Variants in KIF2A observed in about 807,000 individuals in gnomAD.
The protein encoded by KIF2A is kinesin-like protein KIF2A.
Under a neutral mutation model 100.2 loss-of-function variants are expected in KIF2A, and 22 were observed. That is an observed-to-expected ratio of 0.22 (90% CI 0.16 to 0.31). The LOEUF (loss-of-function observed/expected upper bound fraction) is 0.31, where lower values mean the gene tolerates loss of function less well. KIF2A is among the 10% of genes least tolerant of loss of function. KIF2A has a pLI of 1.00. For synonymous variants in KIF2A, 268 were observed against 285.9 expected (o/e 0.94, Z 0.63); for missense variants, 495 against 898.7 (o/e 0.55, Z 5.74).
At chr5:62,325,473 T>C (rs1166302811) in intron 1 of KIF2A, among the ~76,000 whole-genome samples, 1 of 133,402 alleles carries the variant, frequency 7.5e-6, no homozygotes, top group East Asian at 2.1e-4. Flanking sequence ...AAAAAAAAAA[T>C]GGGTAAAGGA....
At chr5:62,328,280 T>C (rs1746474132) in intron 1 of KIF2A, among the ~76,000 whole-genome samples, 2 of 151,998 alleles carry the variant, frequency 1.3e-5, no homozygotes, top group African/African-American at 2.4e-5. Context: ...AGTTAACTTA[T>C]TTAGTAAACT....
intron 1 of KIF2A, among the ~76,000 whole-genome samples, chr5:62,330,813 A>C (rs775728522): frequency 3.3e-5 from 5 of 152,130 alleles, no homozygotes; most frequent in Non-Finnish European, 5.9e-5. Flanking sequence ...TATATATTTT[A>C]ATTTATTGGC....
intron 1 of KIF2A, among the ~76,000 whole-genome samples, chr5:62,338,572 G>T (rs764623719): frequency 2.4e-4 from 37 of 152,126 alleles, no homozygotes; most frequent in Non-Finnish European, 5.9e-5. Context: ...TTACAGGCCT[G>T]AGCCACCACA....
chr5:62,316,784 A>G (rs1164174671), intron 1 of KIF2A, among the ~76,000 whole-genome samples: 2 of 152,096 alleles, frequency 1.3e-5, no homozygotes, highest in African/African-American at 4.8e-5. Flanking sequence ...CTTCCACTCA[A>G]TTTTGCTGTG....
chr5:62,334,368 T>C lies in KIF2A; in HGVS notation c.65-12762T>C, dbSNP rs1746819751. Among the ~76,000 whole-genome samples, 5 of 151,930 alleles carry C rather than the reference T, an allele frequency of 3.3e-5. No homozygotes were observed. The South Asian group carries it at 1.0e-3, about 32-fold the overall frequency. ...CCCTAAGCAATCCCGATCTCCAGACTTCCCTGAGCAGTCCTCAGCTCCATC... is the reference window on the plus strand; with the variant it reads ...CCCTAAGCAATCCCGATCTCCAGACCTCCCTGAGCAGTCCTCAGCTCCATC... On this transcript the variant is annotated intron_variant, in intron 1 of 20. Transcript: ENST00000407818.
intron 3 of KIF2A, among the ~76,000 whole-genome samples, chr5:62,349,314 T>C (rs1303931702): frequency 6.6e-6 from 1 of 151,434 alleles, no homozygotes; most frequent in Non-Finnish European, 1.5e-5. Flanking sequence ...ATTAAAAATA[T>C]TTTTAAAGTA....
intron 1 of KIF2A, among the ~76,000 whole-genome samples, chr5:62,338,582 A>G (rs1747103732): frequency 6.6e-6 from 1 of 152,102 alleles, no homozygotes. Flanking sequence ...GAGCCACCAC[A>G]TCTGGCTTAT....
chr5:62,354,335 G>A (rs1747995078), intron 6 of KIF2A, among the ~76,000 whole-genome samples: 1 of 152,070 alleles, frequency 6.6e-6, no homozygotes, highest in African/African-American at 2.4e-5. Flanking sequence ...AGTTGACATA[G>A]GTGGTATTAT....
chr5:62,358,028 G>A (rs1748204282), intron 8 of KIF2A, 109 bp from the exon 9 acceptor site: 1 of 820,284 alleles, frequency 1.2e-6, no homozygotes. Flanking sequence ...ATCTTTATAT[G>A]TACAGAACTT....
chr5:62,358,053 A>G (rs1047708507), intron 8 of KIF2A, 84 bp from the exon 9 acceptor site: 4 of 1,008,514 alleles, frequency 4.0e-6, no homozygotes, highest in Non-Finnish European at 4.2e-6. Flanking sequence ...CTTGTATCTT[A>G]GTTCTTACTA....
At chr5:62,309,554 C>T (rs1745463223) in intron 1 of KIF2A, among the ~76,000 whole-genome samples, 2 of 152,222 alleles carry the variant, frequency 1.3e-5, no homozygotes, top group Middle Eastern at 3.4e-3. Flanking sequence ...TCCATAACGT[C>T]TATATTGGAT....
intron 1 of KIF2A, among the ~76,000 whole-genome samples, chr5:62,314,461 C>G (rs985946267): frequency 6.6e-6 from 1 of 152,068 alleles, no homozygotes; most frequent in African/African-American, 2.4e-5. Flanking sequence ...AAGTCACTGT[C>G]TCAAAACAAA....
intron 3 of KIF2A, 54 bp from the exon 4 acceptor site, chr5:62,350,012 T>C: frequency 8.7e-7 from 1 of 1,144,526 alleles, no homozygotes; most frequent in South Asian, 1.4e-5. Flanking sequence ...CAGATCATGA[T>C]ACATATGAGG....
intron 7 of KIF2A, among the ~76,000 whole-genome samples, chr5:62,356,890 A>G (rs201766723): frequency 6.6e-6 from 1 of 151,716 alleles, no homozygotes; most frequent in Non-Finnish European, 1.5e-5. Context: ...GGTTCAGGCA[A>G]TTCTCGTGCC....
chr5:62,306,591 C>A (rs1049880729), intron 1 of KIF2A, 55 bp downstream of exon 1: 5 of 1,422,072 alleles, frequency 3.5e-6, no homozygotes, highest in Non-Finnish European at 4.8e-6. Flanking sequence ...CGGGTGTGCA[C>A]GGAGGGGACG....
rs1745266602 is a variant in KIF2A at position 62,306,370 on chromosome 5, G to C, written c.-103G>C. ...CGCTGTCGCCCGGGCCGGCGCGGCCGCGGGCAACCGCTCCCCCTCCCACAC... is the reference window on the plus strand; with the variant it reads ...CGCTGTCGCCCGGGCCGGCGCGGCCCCGGGCAACCGCTCCCCCTCCCACAC... On this transcript the variant is annotated 5_prime_UTR_variant, in exon 1 of 21. Coordinates refer to ENST00000407818, the MANE Select transcript of KIF2A (RefSeq NM_001098511.3). 1.1e-6 allele frequency: 1 copy of C among 951,446 alleles called. No homozygotes were observed. The highest frequency in any genetic ancestry group is 1.5e-5 in the South Asian group (1 of 65,438). The allele number at this position is 951,446 out of a possible 1,614,324, so 58.9% of individuals were successfully genotyped here. A position where few individuals can be genotyped will look rare whatever the true frequency, so the allele number is the denominator to read the frequency against.
chr5:62,369,489 G>A (rs247221), intron 16 of KIF2A, among the ~76,000 whole-genome samples: 10 of 152,092 alleles, frequency 6.6e-5, no homozygotes, highest in Non-Finnish European at 1.3e-4. Context: ...TTACCTCCAC[G>A]TGGTCTCTCC....
At chr5:62,306,965 G>T (rs1745323756) in intron 1 of KIF2A, 1 of 159,720 alleles carries the variant, frequency 6.3e-6, no homozygotes, top group Admixed American at 6.5e-5. Context: ...GGATGGGGAT[G>T]GGGGTGGGGG....
At chr5:62,350,181 G>T (rs1747779945) in intron 4 of KIF2A, 61 bp downstream of exon 4, 1 of 958,918 alleles carries the variant, frequency 1.0e-6, no homozygotes, top group South Asian at 1.7e-5. Context: ...TCCTGACAAG[G>T]TAAATCAAAA....
Sources: allele counts gnomAD v4.1 joint callset (sites outside exome capture counted in the v4.1 genomes callset), GRCh38; gene constraint gnomAD v4.1.1; transcripts MANE v1.5; gene names NCBI Gene and HGNC (gene_info 2026-07-23, HGNC 2026-07-21).